The following CDH13 variants were observed in gnomAD, a reference collection of about 807,000 sequenced individuals.
CDH13 encodes the protein cadherin-13.
In CDH13, 24 loss-of-function variants were observed where a neutral mutation model predicts 63.8. The observed-to-expected ratio is 0.38, with a 90% CI of 0.27 to 0.53. CDH13 has a LOEUF of 0.53. Ranked by LOEUF, CDH13 falls within the 20% of genes least tolerant of loss-of-function variation. The pLI, the probability that CDH13 is intolerant of heterozygous loss-of-function variation, is 0.85. For synonymous variants in CDH13, 503 were observed against 355.3 expected, an observed-to-expected ratio of 1.42 and a Z score of -4.67; for missense variants, 1,049 against 903.1, an observed-to-expected ratio of 1.16 and a Z score of -2.07.
intron 11 of CDH13, among the ~76,000 whole-genome samples, chr16:83,756,462 C>T (rs1350388306): frequency 1.3e-5 from 2 of 152,258 alleles, no homozygotes; most frequent in Admixed American, 1.3e-4. Context: ...GTCCAACCCA[C>T]AGCCTGTGGG....
At chr16:82,831,089 A>G (rs1273120460) in intron 1 of CDH13, among the ~76,000 whole-genome samples, 1 of 152,130 alleles carries the variant, frequency 6.6e-6, no homozygotes, top group Non-Finnish European at 1.5e-5. Context: ...CAGCTTCAGC[A>G]TCACCTGAGC....
At chr16:82,676,132 C>T (rs1913872200) in intron 1 of CDH13, among the ~76,000 whole-genome samples, 1 of 152,194 alleles carries the variant, frequency 6.6e-6, no homozygotes, top group South Asian at 2.1e-4. Flanking sequence ...CATCCATGTC[C>T]ATGGATTCAA....
chr16:82,836,594 G>C (rs1001333586), intron 1 of CDH13, among the ~76,000 whole-genome samples: 10 of 152,284 alleles, frequency 6.6e-5, no homozygotes, highest in South Asian at 2.1e-4. Context: ...ATCTTCAGAA[G>C]AGCACAGATA....
At chr16:82,669,290 C>G (rs974665245) in intron 1 of CDH13, among the ~76,000 whole-genome samples, 16 of 152,276 alleles carry the variant, frequency 1.1e-4, no homozygotes, top group African/African-American at 3.8e-4. Flanking sequence ...CTTTAGATGC[C>G]TAGTATATGG....
intron 2 of CDH13, among the ~76,000 whole-genome samples, chr16:82,974,573 C>G (rs544970495): frequency 1.1e-4 from 17 of 152,218 alleles, no homozygotes; most frequent in African/African-American, 4.1e-4. Flanking sequence ...GCAAAAGGGA[C>G]TTTGCAGATG....
At chr16:82,844,972 C>A (rs1029076789) in intron 1 of CDH13, among the ~76,000 whole-genome samples, 1 of 151,936 alleles carries the variant, frequency 6.6e-6, no homozygotes, top group Non-Finnish European at 1.5e-5. Context: ...TATTTTTAAG[C>A]CTCTCAGATT....
chr16:82,916,930 T>A (rs2042008417), intron 2 of CDH13, among the ~76,000 whole-genome samples: 1 of 152,192 alleles, frequency 6.6e-6, no homozygotes, highest in Non-Finnish European at 1.5e-5. Context: ...TGTAGCAAAC[T>A]AAAATTATGT....
At chr16:83,509,532 G>C (rs537666968) in intron 7 of CDH13, among the ~76,000 whole-genome samples, 104 of 152,312 alleles carry the variant, frequency 6.8e-4, no homozygotes, top group South Asian at 5.0e-3. Context: ...TACAAAAGCA[G>C]ATGGTGGGCC....
chr16:83,428,545 T>A lies in CDH13; in HGVS notation c.782-57932T>A, dbSNP rs117434269. Among the ~76,000 whole-genome samples, 580 of 152,314 alleles carry A rather than the reference T, an allele frequency of 3.8e-3. 2 individuals carry two copies. Among genetic ancestry groups the A allele is most frequent in the Non-Finnish European group, 6.3e-3 (427 of 68,036 alleles). ...ACTTTTCATAACTTGTGATGTTTTGTTAAATAACTTCCTGAACGAGCCATG... is the reference window on the plus strand; with the variant it reads ...ACTTTTCATAACTTGTGATGTTTTGATAAATAACTTCCTGAACGAGCCATG... On this transcript the variant is annotated intron_variant, in intron 6 of 13. Transcript: ENST00000567109.
At chr16:82,993,208 A>G (rs1224557090) in intron 2 of CDH13, among the ~76,000 whole-genome samples, 1 of 151,978 alleles carries the variant, frequency 6.6e-6, no homozygotes, top group South Asian at 2.1e-4. Flanking sequence ...TTGTGGGTTA[A>G]TTTCACATTT....
At chr16:83,054,575 A>C (rs568166948) in intron 3 of CDH13, among the ~76,000 whole-genome samples, 1 of 152,218 alleles carries the variant, frequency 6.6e-6, no homozygotes, top group Admixed American at 6.5e-5. Context: ...TTTAAAACTT[A>C]CAAATTATTT....
At chr16:83,021,534 C>G (rs1346249259) in intron 2 of CDH13, among the ~76,000 whole-genome samples, 6 of 152,156 alleles carry the variant, frequency 3.9e-5, no homozygotes, top group Non-Finnish European at 7.3e-5. Flanking sequence ...TGGCCTCTGT[C>G]TTTTTCCAAG....
chr16:82,634,206 G>A (rs1384714708), intron 1 of CDH13, among the ~76,000 whole-genome samples: 2 of 152,268 alleles, frequency 1.3e-5, no homozygotes, highest in African/African-American at 4.8e-5. Flanking sequence ...GCCTCTGGAG[G>A]AGCCTGGGGA....
chr16:83,186,754 T>C (rs1230507085), intron 4 of CDH13, among the ~76,000 whole-genome samples: 1 of 152,018 alleles, frequency 6.6e-6, no homozygotes, highest in Non-Finnish European at 1.5e-5. Flanking sequence ...ATCAAAAGCT[T>C]GACTTGAAAG....
At chr16:82,719,845 CAAAAAAAAA>C (rs34017657) in intron 1 of CDH13, among the ~76,000 whole-genome samples, 1 of 88,206 alleles carries the variant, frequency 1.1e-5, no homozygotes, top group African/African-American at 4.3e-5. Context: ...GACTCTGTCT[CAAAAAAAAA>C]AAAAAAAAAA....
chr16:82,821,886 A>T (rs2038019142), intron 1 of CDH13, among the ~76,000 whole-genome samples: 1 of 152,210 alleles, frequency 6.6e-6, no homozygotes, highest in African/African-American at 2.4e-5. Context: ...GTCCCCTTGG[A>T]CCATCTATGC....
intron 6 of CDH13, among the ~76,000 whole-genome samples, chr16:83,356,864 A>T (rs1245463918): frequency 1.3e-5 from 2 of 152,194 alleles, no homozygotes; most frequent in Non-Finnish European, 2.9e-5. Context: ...TGCATTTTTT[A>T]AAAACCAAGT....
chr16:83,329,401 T>TA (rs1491172059), intron 5 of CDH13, among the ~76,000 whole-genome samples: 1 of 44,102 alleles, frequency 2.3e-5, no homozygotes, highest in African/African-American at 6.2e-5. Context: ...AATTTTTGTA[T>TA]TTTTTTTTTT....
chr16:83,087,709 A>T (rs1239647778), intron 3 of CDH13, among the ~76,000 whole-genome samples: 2 of 149,758 alleles, frequency 1.3e-5, no homozygotes, highest in Non-Finnish European at 3.0e-5. Flanking sequence ...CCTAGCACCA[A>T]AGTATTAGCA....
Sources: allele counts gnomAD v4.1 joint callset (sites outside exome capture counted in the v4.1 genomes callset), GRCh38; gene constraint gnomAD v4.1.1; transcripts MANE v1.5; gene names NCBI Gene and HGNC (gene_info 2026-07-23, HGNC 2026-07-21).